The following ADCY8 variants were observed in gnomAD, a reference collection of about 807,000 sequenced individuals.
The protein encoded by ADCY8 is adenylate cyclase 8.
A neutral mutation model predicts 119.7 loss-of-function variants in ADCY8; 51 were observed. The observed-to-expected ratio is 0.43, with a 90% confidence interval of 0.34 to 0.54. ADCY8 has a LOEUF of 0.54. ADCY8 is among the 20% of genes least tolerant of loss of function. The pLI is 0.03. For missense variants in ADCY8, 1,383 were observed against 1,598.8 expected (o/e 0.87, Z 2.30); for synonymous variants, 665 against 651.0 (o/e 1.02, Z -0.33).
chr8:130,850,316 C>T (rs2130318346), intron 9 of ADCY8, among the ~76,000 whole-genome samples: 1 of 152,228 alleles, frequency 6.6e-6, no homozygotes, highest in Middle Eastern at 3.4e-3. Flanking sequence ...AGAACTCATC[C>T]TTGTCCAAGG....
intron 8 of ADCY8, among the ~76,000 whole-genome samples, chr8:130,882,945 T>A (rs1818833329): frequency 6.6e-6 from 1 of 152,098 alleles, no homozygotes; most frequent in South Asian, 2.1e-4. Flanking sequence ...GGGGAACCCA[T>A]GCAATGCATA....
intron 2 of ADCY8, among the ~76,000 whole-genome samples, chr8:130,986,576 A>G (rs1229141470): frequency 3.3e-5 from 5 of 152,204 alleles, no homozygotes; most frequent in Non-Finnish European, 7.3e-5. Flanking sequence ...TTTCAACTCT[A>G]CCTGGGAGAC....
Position 130,867,955 on chromosome 8 carries a change from A to G in ADCY8, c.2110-9T>C. 6.3e-7 allele frequency: 1 copy of G among 1,583,714 alleles called. No homozygotes were observed. Among genetic ancestry groups the G allele is most frequent in the Non-Finnish European group, 8.6e-7 (1 of 1,156,560 alleles). ...TCCCTCATTTGAGAATACTGTAATT[A>G]AAAAAAGAGAGAATGAGTTACTTTG... On this transcript the variant is annotated splice_polypyrimidine_tract_variant and intron_variant, in intron 8 of 17. Transcript: ENST00000286355.
intron 11 of ADCY8, among the ~76,000 whole-genome samples, chr8:130,844,107 A>G (rs1817227578): frequency 6.6e-6 from 1 of 152,190 alleles, no homozygotes; most frequent in Non-Finnish European, 1.5e-5. Flanking sequence ...CTGCTCTTGC[A>G]GATACAGTGA....
intron 7 of ADCY8, among the ~76,000 whole-genome samples, chr8:130,903,562 A>T (rs1039348008): frequency 6.8e-6 from 1 of 146,438 alleles, no homozygotes; most frequent in Non-Finnish European, 1.5e-5. Context: ...AGAGGGTGTT[A>T]GGAACCCTCT....
chr8:130,923,916 C>G (rs1820386746), intron 5 of ADCY8, among the ~76,000 whole-genome samples: 1 of 152,110 alleles, frequency 6.6e-6, no homozygotes, highest in African/African-American at 2.4e-5. Flanking sequence ...GGCTTATTAT[C>G]TTGTTATTCT....
chr8:131,034,095 A>G lies in ADCY8; in HGVS notation c.960+5279T>C, dbSNP rs981914246. Among the ~76,000 whole-genome samples the G allele has an allele frequency of 1.3e-4, 20 of 152,158 alleles. 1 individual carries two copies. Among genetic ancestry groups the G allele is most frequent in the Admixed American group, 6.5e-5 (1 of 15,270 alleles). On this transcript the variant is annotated intron_variant, in intron 1 of 17. Coordinates refer to ENST00000286355, the MANE Select transcript of ADCY8 (RefSeq NM_001115.3). ...ATTAAATTGGATTCCAGTCATACTC[A>G]TTTAATGGATATTTATGTCTCTCAA...
intron 1 of ADCY8, among the ~76,000 whole-genome samples, chr8:131,017,838 C>T (rs1388685929): frequency 3.3e-5 from 5 of 151,980 alleles, no homozygotes; most frequent in Non-Finnish European, 5.9e-5. Flanking sequence ...AAAAAAAATC[C>T]CACTAGGAGA....
chr8:130,822,799 G>A (rs1375551117), intron 12 of ADCY8, among the ~76,000 whole-genome samples: 1 of 152,148 alleles, frequency 6.6e-6, no homozygotes, highest in Non-Finnish European at 1.5e-5. Context: ...TTTGACCTTG[G>A]AAAGGTCATT....
At chr8:130,997,273 A>G (rs1005552131) in intron 1 of ADCY8, among the ~76,000 whole-genome samples, 11 of 151,884 alleles carry the variant, frequency 7.2e-5, no homozygotes, top group African/African-American at 2.7e-4. Context: ...ATAAATAAAA[A>G]TAAGTACGTA....
At chr8:130,785,312 C>T (rs1159448464) in intron 16 of ADCY8, 71 bp downstream of exon 16, 1 of 1,062,620 alleles carries the variant, frequency 9.4e-7, no homozygotes, top group Non-Finnish European at 1.3e-6. Context: ...ACAGAGGCTT[C>T]ACCACCGTCG....
At chr8:131,039,037 TCTC>T (rs1363451760) in intron 1 of ADCY8, among the ~76,000 whole-genome samples, 1 of 152,120 alleles carries the variant, frequency 6.6e-6, no homozygotes, top group Non-Finnish European at 1.5e-5. Context: ...TCTGGATGCT[TCTC>T]CTCCCCTTCT....
chr8:130,977,064 T>C (rs1368927158), intron 2 of ADCY8, among the ~76,000 whole-genome samples: 1 of 152,202 alleles, frequency 6.6e-6, no homozygotes, highest in Non-Finnish European at 1.5e-5. Flanking sequence ...AGGCCAGTGC[T>C]CCGAAACAGA....
At chr8:130,905,660 A>G (rs1819759192) in intron 6 of ADCY8, among the ~76,000 whole-genome samples, 1 of 152,156 alleles carries the variant, frequency 6.6e-6, no homozygotes, top group African/African-American at 2.4e-5. Flanking sequence ...GGAGTTTGAG[A>G]CCAGCCTGGG....
intron 7 of ADCY8, among the ~76,000 whole-genome samples, chr8:130,890,242 C>A (rs1048211375): frequency 6.6e-6 from 1 of 151,776 alleles, no homozygotes; most frequent in Admixed American, 6.6e-5. Flanking sequence ...TGGAGATATA[C>A]CTAATGTAAA....
At chr8:130,908,335 G>T (rs1351899924) in intron 6 of ADCY8, among the ~76,000 whole-genome samples, 1 of 152,210 alleles carries the variant, frequency 6.6e-6, no homozygotes, top group Non-Finnish European at 1.5e-5. Flanking sequence ...TCTAAATTCA[G>T]CAGGTAGTTA....
intron 5 of ADCY8, among the ~76,000 whole-genome samples, chr8:130,916,118 C>T (rs1449355162): frequency 6.6e-6 from 1 of 152,184 alleles, no homozygotes; most frequent in East Asian, 1.9e-4. Flanking sequence ...TTACGTCACA[C>T]AGTTATTGAT....
intron 1 of ADCY8, among the ~76,000 whole-genome samples, chr8:131,010,841 T>C (rs1367470847): frequency 6.6e-6 from 1 of 152,260 alleles, no homozygotes; most frequent in African/African-American, 2.4e-5. Flanking sequence ...AAAGGAAATT[T>C]GGCTATCCTG....
rs116032926 is a variant in ADCY8, at chr8:130,787,819, C to T, written c.3061-2344G>A. Reference sequence around the variant, plus strand: ...CACACACATGTGTGTTGTTTATGTGCATGTGCATCCACATGTGTGCATTTG... The same window carrying T: ...CACACACATGTGTGTTGTTTATGTGTATGTGCATCCACATGTGTGCATTTG... On this transcript the variant is annotated intron_variant, in intron 15 of 17. Transcript: ENST00000286355. Among the ~76,000 whole-genome samples the T allele has an allele frequency of 3.8e-3, 570 of 150,242 alleles. 1 individual carries two copies. Among genetic ancestry groups the T allele is most frequent in the African/African-American group, 0.014 (541 of 39,830 alleles).
Sources: gnomAD v4.1 joint callset for allele counts (sites outside exome capture counted in the v4.1 genomes callset) on GRCh38, gnomAD v4.1.1 for gene constraint, MANE v1.5 for transcripts, NCBI Gene and HGNC (gene_info 2026-07-23, HGNC 2026-07-21) for gene names.